Variants in TMEM91 observed in about 807,000 individuals in gnomAD.
TMEM91 encodes dispanin subfamily C member 3.
In TMEM91, 6 loss-of-function variants were observed where a neutral mutation model predicts 13.3. The observed-to-expected ratio is 0.45, with a 90% CI of 0.25 to 0.89. TMEM91 has a LOEUF of 0.89. Among genes scored for constraint, TMEM91 ranks in the 40% least tolerant of loss-of-function variants. TMEM91 has a pLI of 0.19. For synonymous variants in TMEM91, 87 were observed against 101.7 expected (o/e 0.86, Z 0.87); for missense variants, 193 against 228.7 (o/e 0.84, Z 1.01).
chr19:41,375,903 C>T (rs1343230741), upstream of TMEM91, among the ~76,000 whole-genome samples: 1 of 152,012 alleles, frequency 6.6e-6, no homozygotes, highest in Non-Finnish European at 1.5e-5. Flanking sequence ...GGGCAGATCA[C>T]CTGAGGTCAG....
upstream of TMEM91, among the ~76,000 whole-genome samples, chr19:41,373,419 G>A (rs960748915): frequency 2.0e-5 from 3 of 151,368 alleles, no homozygotes; most frequent in Non-Finnish European, 2.9e-5. Context: ...TGAGGCTGGA[G>A]GCTGATGGGA....
chr19:41,383,613 A>G (rs1035845712), intron 3 of TMEM91, 102 bp from the exon 4 acceptor site: 3 of 1,613,988 alleles, frequency 1.9e-6, no homozygotes, highest in Non-Finnish European at 2.5e-6. Context: ...TTTGGAATAC[A>G]TGCATGAATG....
chr19:41,383,987 A>G lies in TMEM91; in HGVS notation c.*114A>G. On this transcript the variant is annotated 3_prime_UTR_variant, in exon 4 of 4. Coordinates refer to ENST00000392002, the MANE Select transcript of TMEM91 (RefSeq NM_001098821.2). ...GCGGCGGCGGCAGGAGCATCTAGAA[A>G]CGGGAGCGAGCTGGACTGGAACCCT... The G allele has an allele frequency of 6.7e-7, 1 of 1,488,684 alleles. No homozygotes were observed. Among genetic ancestry groups the G allele is most frequent in the Non-Finnish European group, 8.9e-7 (1 of 1,122,984 alleles). 92.2% of individuals were successfully genotyped at this position (1,488,684 alleles called of 1,614,324 possible).
At chr19:41,379,137 C>CTTTTTTTTTTTTTT (rs569382453) in intron 2 of TMEM91, among the ~76,000 whole-genome samples, 1 of 109,066 alleles carries the variant, frequency 9.2e-6, no homozygotes, top group African/African-American at 3.7e-5. Context: ...CCCAGCCTTC[C>CTTTTTTTTTTTTTT]TTTTTTTTTT....
intron 1 of TMEM91, among the ~76,000 whole-genome samples, chr19:41,365,435 C>T (rs1159828380): frequency 6.6e-6 from 1 of 152,154 alleles, no homozygotes; most frequent in Non-Finnish European, 1.5e-5. Flanking sequence ...GATGGCGTCT[C>T]CCCCTGTCAT....
upstream of TMEM91, among the ~76,000 whole-genome samples, chr19:41,375,273 C>CTTTTTTTTTTTTTT (rs906641411): frequency 1.9e-4 from 11 of 58,656 alleles, 1 homozygote; most frequent in Admixed American, 6.8e-4. Flanking sequence ...ATTTTCTTTT[C>CTTTTTTTTTTTTTT]TTTTTTTTTT....
chr19:41,374,926 T>C (rs1462154231), upstream of TMEM91, among the ~76,000 whole-genome samples: 1 of 152,064 alleles, frequency 6.6e-6, no homozygotes, highest in Non-Finnish European at 1.5e-5. Context: ...GAGGTTGCGG[T>C]GAGCCGAGAT....
chr19:41,383,899 C>A lies in TMEM91; in HGVS notation c.*26C>A, dbSNP rs775247572. 11 of 1,587,298 alleles carry A rather than the reference C, an allele frequency of 6.9e-6. No individual in the cohort carries two copies. The East Asian group carries it at 2.6e-4, about 37-fold the overall frequency. On this transcript the variant is annotated 3_prime_UTR_variant, in exon 4 of 4. Transcript: ENST00000392002. ...TTGCCCCTACAGCCCTCACTGTGAA[C>A]CCTGAGGCCGGCAGCCCAGCAAATC...
chr19:41,383,518 A>AT lies in TMEM91; in HGVS notation c.361-195dup, dbSNP rs377696376. The AT allele has an allele frequency of 1.0e-3, 1,448 of 1,455,270 alleles. 12 individuals carry two copies. In the African/African-American group the frequency reaches 0.018, roughly 19 times the overall value. The allele number at this position is 1,455,270 out of a possible 1,614,324, so 90.1% of individuals were successfully genotyped here. ...TATTTATTTTTTAAAATTTATTATT[A>AT]TTATTATTTTTTACCATTTTAATGT... is the stretch of plus-strand genomic sequence containing the variant. On this transcript the variant is annotated intron_variant, in intron 3 of 3. Transcript: ENST00000392002.
chr19:41,374,398 T>A (rs2038672854), upstream of TMEM91: 1 of 152,170 alleles, frequency 6.6e-6, no homozygotes, highest in African/African-American at 2.4e-5. Flanking sequence ...AATAATAATA[T>A]TAATAAACAC....
intron 1 of TMEM91, chr19:41,377,324 G>A: frequency 6.5e-6 from 1 of 152,942 alleles, no homozygotes; most frequent in Non-Finnish European, 1.5e-5. Flanking sequence ...GGATAAATGT[G>A]TAAGAAGGTT....
Position 41,383,990 on chromosome 19 carries a change from G to A in TMEM91, c.*117G>A, listed in dbSNP as rs1693555277. 1 of 1,479,304 alleles carries A rather than the reference G, an allele frequency of 6.8e-7. No homozygotes were observed. The highest frequency in any genetic ancestry group is 2.8e-5 in the Admixed American group (1 of 35,940). The allele number at this position is 1,479,304 out of a possible 1,614,324, so 91.6% of individuals were successfully genotyped here. ...GCGGCGGCAGGAGCATCTAGAAACG[G>A]GAGCGAGCTGGACTGGAACCCTTCC... On this transcript the variant is annotated 3_prime_UTR_variant, in exon 4 of 4. Transcript: ENST00000392002.
chr19:41,381,358 A>T (rs2038881801), intron 2 of TMEM91, among the ~76,000 whole-genome samples: 2 of 112,824 alleles, frequency 1.8e-5, no homozygotes, highest in Admixed American at 9.5e-5. Flanking sequence ...TGCCTAGCTA[A>T]TTTTTTTTTT....
Position 41,383,989 on chromosome 19 carries a change from G to A in TMEM91, c.*116G>A, listed in dbSNP as rs903458499. The A allele has an allele frequency of 6.1e-6, 9 of 1,486,554 alleles. No homozygotes were observed. Among genetic ancestry groups the A allele is most frequent in the Non-Finnish European group, 8.0e-6 (9 of 1,121,410 alleles). The allele number at this position is 1,486,554 out of a possible 1,614,324, so 92.1% of individuals were successfully genotyped here. On this transcript the variant is annotated 3_prime_UTR_variant, in exon 4 of 4. Transcript: ENST00000392002. ...GGCGGCGGCAGGAGCATCTAGAAAC[G>A]GGAGCGAGCTGGACTGGAACCCTTC...
intron 1 of TMEM91, among the ~76,000 whole-genome samples, chr19:41,367,719 G>A (rs544933090): frequency 6.6e-6 from 1 of 152,244 alleles, no homozygotes; most frequent in South Asian, 2.1e-4. Flanking sequence ...CTGCAGCCTC[G>A]AACGCCCAGG....
chr19:41,382,978 C>A, intron 3 of TMEM91, 57 bp downstream of exon 3: 1 of 1,591,494 alleles, frequency 6.3e-7, no homozygotes. Flanking sequence ...AAATGCACCA[C>A]AAAAACAAAG....
chr19:41,366,520 A>C (rs2038530361), intron 1 of TMEM91, among the ~76,000 whole-genome samples: 1 of 152,138 alleles, frequency 6.6e-6, no homozygotes, highest in African/African-American at 2.4e-5. Context: ...GTCAGGTCCC[A>C]TCTGCTCAGA....
At position 41,381,076 on chromosome 19, in the gene TMEM91, CAAAAAAAAAA is replaced by C. The variant is rs1166323642; in HGVS notation, c.211-1680_211-1671del. Among the ~76,000 whole-genome samples, 5 of 52,792 alleles carry C rather than the reference CAAAAAAAAAA, an allele frequency of 9.5e-5. 1 individual carries two copies. In the South Asian group the frequency reaches 3.2e-3, roughly 34 times the overall value. 34.6% of individuals were successfully genotyped at this position (52,792 alleles called of 152,430 possible). ...CTCCAGCCTGGGCAAGACTCTGTCTCAAAAAAAAAAAAAAAAAAAAAAAAAGCTTAAAAAT... is the reference window on the plus strand; with the variant it reads ...CTCCAGCCTGGGCAAGACTCTGTCTCAAAAAAAAAAAAAAAGCTTAAAAAT... On this transcript the variant is annotated intron_variant, in intron 2 of 3. Transcript: ENST00000392002.
chr19:41,378,269 C>T lies in TMEM91; in HGVS notation c.-29-12C>T, dbSNP rs76144272. ...CTTTTACAACTTGTCTTTTTCTTCC[C>T]CCTACCCCTAGGAAACCCCTCCTGG... On this transcript the variant is annotated splice_polypyrimidine_tract_variant and intron_variant, in intron 1 of 3. Coordinates refer to ENST00000392002, the MANE Select transcript of TMEM91 (RefSeq NM_001098821.2). 1,197 of 1,588,312 alleles carry T rather than the reference C, an allele frequency of 7.5e-4. 10 individuals carry two copies. The African/African-American group carries it at 0.013, about 17-fold the overall frequency.
Sources: allele counts gnomAD v4.1 joint callset (sites outside exome capture counted in the v4.1 genomes callset), GRCh38; gene constraint gnomAD v4.1.1; transcripts MANE v1.5; gene names NCBI Gene and HGNC (gene_info 2026-07-23, HGNC 2026-07-21).